Variants in MDFIC2 observed in about 807,000 individuals in gnomAD.
MDFIC2 encodes the protein MyoD family inhibitor domain containing 2.
At chr3:70,249,082 C>T (rs1701735315) in intron 2 of MDFIC2, 1 of 152,152 alleles carries the variant, frequency 6.6e-6, no homozygotes, top group South Asian at 2.1e-4. Flanking sequence ...CTTCTAACCA[C>T]AAAGTCCCTG....
At chr3:70,290,926 G>A (rs902209599) in intron 2 of MDFIC2, among the ~76,000 whole-genome samples, 6 of 152,122 alleles carry the variant, frequency 3.9e-5, no homozygotes, top group Non-Finnish European at 7.4e-5. Context: ...GATGGCGCAC[G>A]GTGCGCGCAC....
chr3:70,247,095 G>A (rs1701714659), intron 2 of MDFIC2, among the ~76,000 whole-genome samples: 2 of 151,868 alleles, frequency 1.3e-5, no homozygotes, highest in African/African-American at 2.4e-5. Context: ...ATAGTACCAA[G>A]CGCATGGTAG....
intron 2 of MDFIC2, among the ~76,000 whole-genome samples, chr3:70,261,549 A>G (rs962559153): frequency 3.3e-5 from 5 of 152,078 alleles, no homozygotes; most frequent in African/African-American, 1.2e-4. Flanking sequence ...CTTCCATATC[A>G]TTGCTAGTTC....
intron 2 of MDFIC2, among the ~76,000 whole-genome samples, chr3:70,303,851 T>A (rs1267256363): frequency 6.6e-6 from 1 of 151,960 alleles, no homozygotes; most frequent in Non-Finnish European, 1.5e-5. Context: ...CTGTGTAATT[T>A]TTTGTATTTT....
chr3:70,255,693 A>G (rs2106656311), intron 2 of MDFIC2, among the ~76,000 whole-genome samples: 1 of 152,192 alleles, frequency 6.6e-6, no homozygotes, highest in East Asian at 1.9e-4. Flanking sequence ...TGCTGGGCTC[A>G]AGTATTCCCT....
intron 2 of MDFIC2, among the ~76,000 whole-genome samples, chr3:70,252,970 C>G (rs1339720103): frequency 2.6e-5 from 4 of 151,866 alleles, no homozygotes; most frequent in Non-Finnish European, 5.9e-5. Flanking sequence ...ATTCCAGCTA[C>G]TAGGGAGGCT....
At chr3:70,291,949 G>A (rs144611116) in intron 2 of MDFIC2, 1 of 152,268 alleles carries the variant, frequency 6.6e-6, no homozygotes, top group East Asian at 1.9e-4. Flanking sequence ...CAGTGGTCCT[G>A]CTTTATTTCT....
chr3:70,255,925 A>C (rs781275087), intron 2 of MDFIC2, among the ~76,000 whole-genome samples: 1 of 152,180 alleles, frequency 6.6e-6, no homozygotes, highest in Non-Finnish European at 1.5e-5. Context: ...AAAAATTCTA[A>C]TTACAGGGAG....
chr3:70,247,972 A>G (rs143638094), intron 2 of MDFIC2, among the ~76,000 whole-genome samples: 12 of 152,244 alleles, frequency 7.9e-5, no homozygotes, highest in Non-Finnish European at 1.5e-4. Context: ...GTAGAATTTA[A>G]TGCTACAATG....
intron 2 of MDFIC2, among the ~76,000 whole-genome samples, chr3:70,236,157 C>G (rs981788472): frequency 8.5e-5 from 13 of 152,192 alleles, no homozygotes; most frequent in African/African-American, 2.7e-4. Context: ...TTCTTCAACT[C>G]TCTCCTTCGC....
chr3:70,310,028 A>G (rs1235497050), intron 2 of MDFIC2, among the ~76,000 whole-genome samples: 2 of 152,198 alleles, frequency 1.3e-5, no homozygotes, highest in South Asian at 2.1e-4. Flanking sequence ...GAACTTCACC[A>G]TAAGTGGTGG....
chr3:70,210,329 T>G (rs1156395983), intron 2 of MDFIC2, among the ~76,000 whole-genome samples: 1 of 152,114 alleles, frequency 6.6e-6, no homozygotes, highest in Admixed American at 6.6e-5. Context: ...TATCTCTGTT[T>G]ATATTTTTAT....
chr3:70,204,609 A>C (rs920792507), intron 3 of MDFIC2: 6 of 151,776 alleles, frequency 4.0e-5, no homozygotes, highest in African/African-American at 1.5e-4. Context: ...AATTATCTTC[A>C]TGGATCTCCT....
chr3:70,217,492 T>A (rs889284191), intron 2 of MDFIC2, among the ~76,000 whole-genome samples: 4 of 152,170 alleles, frequency 2.6e-5, no homozygotes, highest in Non-Finnish European at 4.4e-5. Context: ...GGGAGAAGTT[T>A]GTCTATGCTC....
chr3:70,295,002 G>A (rs938196742), intron 2 of MDFIC2, among the ~76,000 whole-genome samples: 1 of 152,076 alleles, frequency 6.6e-6, no homozygotes, highest in African/African-American at 2.4e-5. Context: ...CTAGCAGATG[G>A]GTTCTCATGT....
chr3:70,277,367 C>G (rs1016112563), intron 2 of MDFIC2, among the ~76,000 whole-genome samples: 3 of 151,992 alleles, frequency 2.0e-5, no homozygotes, highest in Non-Finnish European at 2.9e-5. Flanking sequence ...ACTTTTTTCC[C>G]CCAGCACTGG....
At chr3:70,237,144 T>C (rs191591364) in intron 2 of MDFIC2, among the ~76,000 whole-genome samples, 1 of 152,316 alleles carries the variant, frequency 6.6e-6, no homozygotes, top group East Asian at 1.9e-4. Flanking sequence ...GCATATCTGG[T>C]TTTTACTTAA....
At chr3:70,290,603 G>A (rs1301285160) in intron 2 of MDFIC2, among the ~76,000 whole-genome samples, 38 of 152,300 alleles carry the variant, frequency 2.5e-4, no homozygotes, top group South Asian at 4.1e-4. Context: ...TCGAGTTTCC[G>A]GGCTGTTTTG....
chr3:70,273,818 T>A (rs1393185727), intron 2 of MDFIC2, among the ~76,000 whole-genome samples: 1 of 152,180 alleles, frequency 6.6e-6, no homozygotes, highest in Non-Finnish European at 1.5e-5. Context: ...GTTTTGTTTT[T>A]CCAAGGCAGA....
Sources: gnomAD v4.1 joint callset for allele counts (sites outside exome capture counted in the v4.1 genomes callset) on GRCh38, gnomAD v4.1.1 for gene constraint, MANE v1.5 for transcripts, NCBI Gene and HGNC (gene_info 2026-07-23, HGNC 2026-07-21) for gene names.